NAV3: variants seen among roughly 807,000 people sequenced by gnomAD.
NAV3 encodes the protein neuron navigator 3, also known as pore membrane and/or filament interacting like protein 1.
In NAV3, 87 loss-of-function variants were observed where a neutral mutation model predicts 244.7. The ratio of observed to expected loss-of-function variants is 0.36; its 90% CI spans 0.30 to 0.42. NAV3 has a LOEUF of 0.42. Ranked by LOEUF, NAV3 falls within the 20% of genes least tolerant of loss-of-function variation. NAV3 has a pLI of 1.00. For missense variants in NAV3, 2,663 were observed against 2,893.3 expected, an observed-to-expected ratio of 0.92 and a Z score of 1.83; for synonymous variants, 1,126 against 1,042.2, an observed-to-expected ratio of 1.08 and a Z score of -1.55.
At chr12:77,998,075 T>A (rs1020789455) in intron 6 of NAV3, among the ~76,000 whole-genome samples, 6 of 152,158 alleles carry the variant, frequency 3.9e-5, no homozygotes, top group Non-Finnish European at 7.4e-5. Context: ...ATGGGGTGAG[T>A]ATGACTTTTT....
chr12:77,930,506 A>T (rs889711343), intron 1 of NAV3, among the ~76,000 whole-genome samples: 2 of 151,922 alleles, frequency 1.3e-5, no homozygotes, highest in Admixed American at 6.6e-5. Context: ...TTATAATCCA[A>T]TTCTCACACA....
chr12:77,840,738 A>C (rs1190426753), intron 1 of NAV3, among the ~76,000 whole-genome samples: 1 of 152,206 alleles, frequency 6.6e-6, no homozygotes, highest in East Asian at 1.9e-4. Context: ...ACTCTGGTCA[A>C]ACAGCCGTAG....
intron 34 of NAV3, among the ~76,000 whole-genome samples, chr12:78,190,976 C>T (rs1219955731): frequency 6.6e-6 from 1 of 152,108 alleles, no homozygotes; most frequent in South Asian, 2.1e-4. Context: ...ATCAATGAAA[C>T]CTAAAAGTTT....
rs766288513 is a variant in NAV3 at position 78,168,881 on chromosome 12, C to A, written c.4981+15C>A. 3.3e-6 allele frequency: 5 copies of A among 1,528,730 alleles called. No individual in the cohort carries two copies. The highest frequency in any genetic ancestry group is 1.4e-5 in the African/African-American group (1 of 71,822). The allele number at this position is 1,528,730 out of a possible 1,614,324, so 94.7% of individuals were successfully genotyped here. On this transcript the variant is annotated intron_variant, in intron 24 of 39. Transcript: ENST00000397909. ...TCCTCCCAAAGGTATATTTAGAAAT[C>A]ATTTCATTTCCACCCAATATAATAG...
At chr12:77,757,119 A>T (rs1241777849) in intron 2 of NAV3, among the ~76,000 whole-genome samples, 2 of 152,174 alleles carry the variant, frequency 1.3e-5, no homozygotes, top group African/African-American at 4.8e-5. Context: ...TCATCCTGAG[A>T]CTCAAATTGA....
chr12:77,862,972 T>C (rs1410612463), intron 1 of NAV3, among the ~76,000 whole-genome samples: 5 of 151,788 alleles, frequency 3.3e-5, no homozygotes, highest in Admixed American at 2.6e-4. Context: ...GTTATTTCTA[T>C]ACTATTAAAC....
At chr12:78,082,106 G>T (rs1953384775) in intron 12 of NAV3, among the ~76,000 whole-genome samples, 1 of 152,126 alleles carries the variant, frequency 6.6e-6, no homozygotes. Flanking sequence ...TTTTATAAAG[G>T]GGAGTTCCCC....
intron 7 of NAV3, among the ~76,000 whole-genome samples, chr12:78,000,884 A>T (rs972088509): frequency 4.8e-4 from 72 of 150,592 alleles, no homozygotes; most frequent in African/African-American, 1.7e-3. Flanking sequence ...AGGCTGAGGC[A>T]GGAGAATGGC....
At chr12:78,198,704 T>C in intron 36 of NAV3, 28 bp downstream of exon 36, 3 of 1,387,966 alleles carry the variant, frequency 2.2e-6, no homozygotes, top group Non-Finnish European at 3.0e-6. Context: ...GTTTTTTTGT[T>C]TTGTTTTTTT....
At chr12:77,622,818 T>A (rs1474620406) in intron 2 of NAV3, among the ~76,000 whole-genome samples, 2 of 152,122 alleles carry the variant, frequency 1.3e-5, no homozygotes, top group Non-Finnish European at 2.9e-5. Context: ...ATCTATAACT[T>A]ATATAGTTTA....
At chr12:78,192,260 C>T (rs1182210717) in intron 34 of NAV3, among the ~76,000 whole-genome samples, 1 of 151,962 alleles carries the variant, frequency 6.6e-6, no homozygotes, top group Non-Finnish European at 1.5e-5. Flanking sequence ...GCTATTTGTG[C>T]CATTATTAGG....
At chr12:77,666,859 A>G (rs970516516) in intron 2 of NAV3, among the ~76,000 whole-genome samples, 4 of 152,018 alleles carry the variant, frequency 2.6e-5, no homozygotes, top group African/African-American at 9.7e-5. Context: ...TTTCTTTTGG[A>G]AGTAGATTTT....
intron 2 of NAV3, among the ~76,000 whole-genome samples, chr12:77,770,111 G>GAGCT (rs2135872976): frequency 6.6e-6 from 1 of 152,266 alleles, no homozygotes; most frequent in Non-Finnish European, 1.5e-5. Flanking sequence ...TGTAAGGCTA[G>GAGCT]AGCTCAACAG....
At chr12:78,103,611 A>C (rs1167742315) in intron 12 of NAV3, among the ~76,000 whole-genome samples, 1 of 152,194 alleles carries the variant, frequency 6.6e-6, no homozygotes, top group Non-Finnish European at 1.5e-5. Flanking sequence ...CAAGACTGGA[A>C]AGAAAAAAAG....
Position 78,210,724 on chromosome 12 carries a change from AT to A in NAV3, c.*213del. 3.4e-6 allele frequency: 2 copies of A among 579,784 alleles called. No individual in the cohort carries two copies. Among genetic ancestry groups the A allele is most frequent in the Non-Finnish European group, 6.0e-6 (2 of 331,344 alleles). 35.9% of individuals were successfully genotyped at this position (579,784 alleles called of 1,614,324 possible). A position where few individuals can be genotyped will look rare whatever the true frequency, so the allele number is the denominator to read the frequency against. On this transcript the variant is annotated 3_prime_UTR_variant, in exon 40 of 40. Transcript: ENST00000397909. Reference sequence around the variant, plus strand: ...GCTTAACTTTAGTTTATTTCTAAGCATTTTTTATATCTGTGGAGTAATAGAA... The same window carrying A: ...GCTTAACTTTAGTTTATTTCTAAGCATTTTTATATCTGTGGAGTAATAGAA...
rs78669480 is a variant in NAV3, at chr12:77,627,126, T to A, written c.72+54860T>A. ...TTTATAAAAACAACAACAACAACTA[T>A]ATGCTGCCTATAAGAAATACACTTC... On this transcript the variant is annotated intron_variant, in intron 2 of 8. Coordinates refer to the NAV3 transcript ENST00000550042. Among the ~76,000 whole-genome samples the A allele has an allele frequency of 3.6e-3, 552 of 152,192 alleles. 4 individuals carry two copies. The highest frequency in any genetic ancestry group is 0.013 in the African/African-American group (529 of 41,548).
chr12:77,685,062 A>T (rs1874654785), intron 2 of NAV3, among the ~76,000 whole-genome samples: 1 of 152,134 alleles, frequency 6.6e-6, no homozygotes, highest in African/African-American at 2.4e-5. Context: ...TTAATGTCAG[A>T]TTGCTCCTCT....
chr12:78,207,835 C>T (rs765800872), intron 39 of NAV3, among the ~76,000 whole-genome samples: 1 of 152,082 alleles, frequency 6.6e-6, no homozygotes, highest in Non-Finnish European at 1.5e-5. Context: ...CATGATTTAC[C>T]TAGTTAGATC....
At chr12:77,576,743 T>G (rs1869103560) in intron 2 of NAV3, among the ~76,000 whole-genome samples, 1 of 152,098 alleles carries the variant, frequency 6.6e-6, no homozygotes, top group South Asian at 2.1e-4. Context: ...AAAGAAAATA[T>G]GAGCATAAAT....
Sources: allele counts gnomAD v4.1 joint callset (sites outside exome capture counted in the v4.1 genomes callset), GRCh38; gene constraint gnomAD v4.1.1; transcripts MANE v1.5; gene names NCBI Gene and HGNC (gene_info 2026-07-23, HGNC 2026-07-21).